Variants in SH3BP5 observed in about 807,000 individuals in gnomAD.
SH3BP5 encodes the protein SH3 domain binding protein 5.
Under a neutral mutation model 43.3 loss-of-function variants are expected in SH3BP5, and 22 were observed. The ratio of observed to expected loss-of-function variants is 0.51; its 90% CI spans 0.36 to 0.73. The LOEUF (loss-of-function observed/expected upper bound fraction) is 0.73. Ranked by LOEUF, SH3BP5 falls within the 30% of genes least tolerant of loss-of-function variation. The probability of loss-of-function intolerance (pLI) is 0.00; values close to 1 mark genes in which losing one functional copy is unlikely to be tolerated. For missense variants in SH3BP5, 529 were observed against 586.9 expected (o/e 0.90, Z 1.02); for synonymous variants, 255 against 225.8 (o/e 1.13, Z -1.16).
intron 2 of SH3BP5, among the ~76,000 whole-genome samples, chr3:15,306,127 C>T (rs980741012): frequency 1.6e-4 from 24 of 151,170 alleles, no homozygotes; most frequent in Non-Finnish European, 2.4e-4. Context: ...GAGGCCGAGA[C>T]GGGTGGATCA....
At chr3:15,285,856 C>T (rs1697252697) in intron 3 of SH3BP5, among the ~76,000 whole-genome samples, 1 of 152,350 alleles carries the variant, frequency 6.6e-6, no homozygotes, top group African/African-American at 2.4e-5. Context: ...AACTGGTTCA[C>T]TGAAACGTCA....
chr3:15,294,128 T>C (rs2125097927), intron 3 of SH3BP5, among the ~76,000 whole-genome samples: 1 of 149,398 alleles, frequency 6.7e-6, no homozygotes, highest in African/African-American at 2.5e-5. Flanking sequence ...AGAGTACCAC[T>C]TTGCAAAAAG....
intron 4 of SH3BP5, among the ~76,000 whole-genome samples, chr3:15,267,268 G>C (rs954467168): frequency 1.3e-5 from 2 of 152,218 alleles, no homozygotes; most frequent in African/African-American, 2.4e-5. Flanking sequence ...CCATGCAAGT[G>C]TGTGTCCTGG....
intron 2 of SH3BP5, among the ~76,000 whole-genome samples, chr3:15,320,609 C>CACACACAT (rs1442554355): frequency 6.8e-6 from 1 of 146,406 alleles, no homozygotes; most frequent in Non-Finnish European, 1.5e-5. Flanking sequence ...AGCCAAAACA[C>CACACACAT]ACACACACAC....
intron 3 of SH3BP5, among the ~76,000 whole-genome samples, chr3:15,292,837 A>G (rs967502153): frequency 9.9e-5 from 15 of 152,156 alleles, no homozygotes; most frequent in Non-Finnish European, 1.5e-5. Context: ...AACAAAAGCG[A>G]AATTCCATCT....
chr3:15,327,742 G>C (rs1170847037), intron 2 of SH3BP5, among the ~76,000 whole-genome samples: 1 of 152,240 alleles, frequency 6.6e-6, no homozygotes, highest in Admixed American at 6.5e-5. Context: ...TTGGTGCCCA[G>C]CATGAAGGGT....
intron 3 of SH3BP5, among the ~76,000 whole-genome samples, chr3:15,281,866 C>T (rs534225382): frequency 3.8e-4 from 58 of 152,138 alleles, no homozygotes; most frequent in Non-Finnish European, 6.5e-4. Context: ...TAGCCGGGCG[C>T]GGTGGTGCAT....
At chr3:15,303,503 C>A (rs1427873602) in intron 3 of SH3BP5, among the ~76,000 whole-genome samples, 1 of 152,106 alleles carries the variant, frequency 6.6e-6, no homozygotes, top group Non-Finnish European at 1.5e-5. Flanking sequence ...TAAACCAGAA[C>A]CCATTTCCAC....
chr3:15,326,487 C>T lies in SH3BP5; in HGVS notation c.201+4017G>A, dbSNP rs373421636. 8.3e-4 allele frequency among the ~76,000 whole-genome samples: 126 copies of T among 152,258 alleles called. 3 individuals carry two copies. The South Asian group carries it at 0.021, about 26-fold the overall frequency. On this transcript the variant is annotated intron_variant, in intron 2 of 8. Coordinates refer to ENST00000383791, the MANE Select transcript of SH3BP5 (RefSeq NM_004844.5). Reference sequence around the variant, plus strand: ...AACGCCCCAGATCGCAATCAAAAGGCAATGGGAAAGGAAATGTGGACAGCA... The same window carrying T: ...AACGCCCCAGATCGCAATCAAAAGGTAATGGGAAAGGAAATGTGGACAGCA...
At chr3:15,258,276 C>G (rs1448811521) in intron 7 of SH3BP5, 2 of 152,174 alleles carry the variant, frequency 1.3e-5, no homozygotes, top group Non-Finnish European at 2.9e-5. Flanking sequence ...ATCAGTTTTC[C>G]AGGGGGAGGC....
intron 3 of SH3BP5, among the ~76,000 whole-genome samples, chr3:15,285,099 C>T (rs113409101): frequency 3.3e-5 from 5 of 152,342 alleles, no homozygotes; most frequent in Admixed American, 3.3e-4. Flanking sequence ...TTCCCATATT[C>T]TAGCACAGTG....
At chr3:15,259,983 C>T in intron 5 of SH3BP5, 180 bp from the exon 6 acceptor site, 1 of 631,020 alleles carries the variant, frequency 1.6e-6, no homozygotes, top group Non-Finnish European at 2.9e-6. Flanking sequence ...CTGACAGACA[C>T]CAGATGGAAC....
At chr3:15,282,031 T>G (rs1449120699) in intron 3 of SH3BP5, among the ~76,000 whole-genome samples, 2 of 152,080 alleles carry the variant, frequency 1.3e-5, no homozygotes, top group East Asian at 3.9e-4. Context: ...AAGCACATTT[T>G]GATGCCTTGC....
At chr3:15,323,207 G>A (rs908279438) in intron 2 of SH3BP5, among the ~76,000 whole-genome samples, 2 of 152,128 alleles carry the variant, frequency 1.3e-5, no homozygotes, top group Admixed American at 1.3e-4. Flanking sequence ...CATTACAGCA[G>A]GCAGGCCACA....
intron 3 of SH3BP5, among the ~76,000 whole-genome samples, chr3:15,279,569 G>A (rs1697063353): frequency 6.6e-6 from 1 of 152,208 alleles, no homozygotes; most frequent in African/African-American, 2.4e-5. Flanking sequence ...ACAGCTAGGA[G>A]TAAGAAGGGA....
chr3:15,306,185 T>C (rs1697899746), intron 2 of SH3BP5, among the ~76,000 whole-genome samples: 1 of 150,522 alleles, frequency 6.6e-6, no homozygotes, highest in African/African-American at 2.5e-5. Context: ...TGAAACCCCA[T>C]CTCTACTAAA....
At chr3:15,260,962 T>C (rs981697857) in intron 5 of SH3BP5, among the ~76,000 whole-genome samples, 1 of 152,188 alleles carries the variant, frequency 6.6e-6, no homozygotes, top group African/African-American at 2.4e-5. Flanking sequence ...GCAGTGTGAA[T>C]TCGGGGTCTT....
rs1696125582 is a variant in SH3BP5 at position 15,254,525 on chromosome 3, T to TTAAA, written c.*1557_*1560dup. 1 of 152,094 alleles carries TTAAA rather than the reference T, an allele frequency of 6.6e-6. No homozygotes were observed. The highest frequency in any genetic ancestry group is 6.5e-5 in the Admixed American group (1 of 15,272). 9.4% of individuals were successfully genotyped at this position (152,094 alleles called of 1,614,324 possible). A position where few individuals can be genotyped will look rare whatever the true frequency, so the allele number is the denominator to read the frequency against. On this transcript the variant is annotated 3_prime_UTR_variant, in exon 9 of 9. Transcript: ENST00000383791. ...CAGTGTACCCCCCCCAGTTAATTAA[T>TTAAA]TAAATAATTCTCTGGGGATGAGAAC...
At chr3:15,318,564 T>G (rs1329930080) in intron 2 of SH3BP5, among the ~76,000 whole-genome samples, 1 of 66,438 alleles carries the variant, frequency 1.5e-5, no homozygotes, top group East Asian at 3.8e-4. Context: ...CCTATGTTTT[T>G]GTTTTTGTTT....
Sources: allele counts gnomAD v4.1 joint callset (sites outside exome capture counted in the v4.1 genomes callset), GRCh38; gene constraint gnomAD v4.1.1; transcripts MANE v1.5; gene names NCBI Gene and HGNC (gene_info 2026-07-23, HGNC 2026-07-21).